KCNQ4: variants seen among roughly 807,000 people sequenced by gnomAD.
The protein encoded by KCNQ4 is potassium voltage-gated channel subfamily KQT member 4.
In KCNQ4, 31 loss-of-function variants were observed where a neutral mutation model predicts 72.6. That is an observed-to-expected ratio of 0.43 (90% CI 0.32 to 0.58). KCNQ4 has a LOEUF of 0.58. Among genes scored for constraint, KCNQ4 ranks in the 20% least tolerant of loss-of-function variants. The pLI is 0.08. For missense variants in KCNQ4, 869 were observed against 962.6 expected (o/e 0.90, Z 1.29); for synonymous variants, 405 against 403.7 (o/e 1.00, Z -0.04).
chr1:40,812,193 C>T (rs556207106), intron 1 of KCNQ4, among the ~76,000 whole-genome samples: 5 of 152,286 alleles, frequency 3.3e-5, no homozygotes, highest in Non-Finnish European at 5.9e-5. Flanking sequence ...CAAGTCTATC[C>T]CTCCCTGAGC....
At chr1:40,806,891 C>T (rs1647780422) in intron 1 of KCNQ4, among the ~76,000 whole-genome samples, 2 of 152,300 alleles carry the variant, frequency 1.3e-5, no homozygotes, top group South Asian at 4.1e-4. Flanking sequence ...ATGGGTGGGC[C>T]CTTCTTGGGT....
chr1:40,796,702 A>ACAG (rs1192662510), intron 1 of KCNQ4, among the ~76,000 whole-genome samples: 3 of 152,158 alleles, frequency 2.0e-5, no homozygotes, highest in African/African-American at 7.2e-5. Flanking sequence ...AGACCACCTG[A>ACAG]GGTCAGGAGT....
In KCNQ4 at chr1:40,838,221, G is replaced by A. The variant is rs1413057421; in HGVS notation, c.1876-90G>A. 5 of 1,126,678 alleles carry A rather than the reference G, an allele frequency of 4.4e-6. No homozygotes were observed. In the Admixed American group the frequency reaches 5.4e-5, roughly 12 times the overall value. The allele number at this position is 1,126,678 out of a possible 1,614,324, so 69.8% of individuals were successfully genotyped here. A position where few individuals can be genotyped will look rare whatever the true frequency, so the allele number is the denominator to read the frequency against. On this transcript the variant is annotated intron_variant, in intron 13 of 13. Coordinates refer to ENST00000347132, the MANE Select transcript of KCNQ4 (RefSeq NM_004700.4). ...CCAGATAAGCCCCGCCCACTCCACCGGCTAGGGTCCGCCCCGAGACCCAAG... is the reference window on the plus strand; with the variant it reads ...CCAGATAAGCCCCGCCCACTCCACCAGCTAGGGTCCGCCCCGAGACCCAAG...
intron 1 of KCNQ4, among the ~76,000 whole-genome samples, chr1:40,796,655 G>A (rs1395287412): frequency 6.6e-6 from 1 of 152,110 alleles, no homozygotes; most frequent in African/African-American, 2.4e-5. Flanking sequence ...TGTGGCTCAC[G>A]CCTGTAATCC....
Position 40,817,322 on chromosome 1 carries a change from C to T in KCNQ4, c.372C>T (p.His124=). 1 of 1,614,016 alleles carries T rather than the reference C, an allele frequency of 6.2e-7. No individual in the cohort carries two copies. The highest frequency in any genetic ancestry group is 8.5e-7 in the Non-Finnish European group (1 of 1,179,976). ...VLSVLSTIQE[H]QELANECLLI... is the part of the protein sequence containing the mutation. Reference sequence around the variant, plus strand: ...CTGTGCTGTCCACTATCCAGGAGCACCAGGAACTTGCCAACGAGTGTCTCC... The same window carrying T: ...CTGTGCTGTCCACTATCCAGGAGCATCAGGAACTTGCCAACGAGTGTCTCC... Residue 124 remains histidine, a synonymous_variant, in exon 2 of 14, where the codon CAC becomes CAT. Transcript: ENST00000347132. This position sits in a 1 kb window ranked among gnomAD's most constrained non-coding sequence, Gnocchi z 5.5.
chr1:40,806,664 G>A (rs1389093216), intron 1 of KCNQ4, among the ~76,000 whole-genome samples: 1 of 150,170 alleles, frequency 6.7e-6, no homozygotes, highest in Non-Finnish European at 1.5e-5. Flanking sequence ...AGAAAAATTG[G>A]CTTCTGGAGG....
chr1:40,808,594 T>C (rs1021681607), intron 1 of KCNQ4, among the ~76,000 whole-genome samples: 56 of 152,134 alleles, frequency 3.7e-4, no homozygotes, highest in African/African-American at 1.2e-3. Flanking sequence ...CCCCAGTGAG[T>C]AGGGGCTGTC....
chr1:40,830,028 G>C (rs1190564246), intron 9 of KCNQ4, among the ~76,000 whole-genome samples: 1 of 152,176 alleles, frequency 6.6e-6, no homozygotes, highest in Non-Finnish European at 1.5e-5. Context: ...AGTTGGATGC[G>C]GGAAGGGAAG....
In KCNQ4 at chr1:40,824,265, G is replaced by A. The variant is rs771515074; in HGVS notation, c.1292+7G>A. 1 of 1,604,586 alleles carries A rather than the reference G, an allele frequency of 6.2e-7. No individual in the cohort carries two copies. The highest frequency in any genetic ancestry group is 1.3e-5 in the African/African-American group (1 of 74,742). ...CCTTCTGCCCTGGGGAAAGGTAGGG[G>A]CCCCGTGGGGCTGCCACCTCCTCTT... On this transcript the variant is annotated splice_region_variant and intron_variant, in intron 9 of 13. Transcript: ENST00000347132.
In KCNQ4 at chr1:40,818,660, G is replaced by T; in HGVS notation, c.688G>T (p.Val230Leu). 1 of 1,604,754 alleles carries T rather than the reference G, an allele frequency of 6.2e-7. No homozygotes were observed. The change falls in exon 4 of 14, where the codon GTG becomes TTG. Residue 230 changes from valine (V) to leucine (L), a missense_variant. Around this residue, in one of 5 missense-constraint regions of KCNQ4, gnomAD observed 179 missense variants for 243.0 expected, o/e 0.74. Transcript: ENST00000347132. ...RGGTWKLLGS[V>L]VYAHSKELIT... Reference sequence around the variant, plus strand: ...CGGCACCTGGAAGCTGCTGGGCTCAGTGGTCTACGCGCATAGCAAGGTGAG... The same window carrying T: ...CGGCACCTGGAAGCTGCTGGGCTCATTGGTCTACGCGCATAGCAAGGTGAG...
intron 1 of KCNQ4, among the ~76,000 whole-genome samples, chr1:40,816,319 G>A (rs1648085505): frequency 6.6e-6 from 1 of 152,132 alleles, no homozygotes; most frequent in Admixed American, 6.5e-5. Flanking sequence ...CCTCTGCTGT[G>A]TCTGCAGCCT....
intron 1 of KCNQ4, among the ~76,000 whole-genome samples, chr1:40,793,004 C>CTTTTTTTTTTTTT (rs10549805): frequency 2.8e-5 from 3 of 109,074 alleles, no homozygotes; most frequent in South Asian, 3.3e-4. Context: ...TTCTTTCTTT[C>CTTTTTTTTTTTTT]TTTTTTTTTT....
At chr1:40,819,058 T>G in intron 4 of KCNQ4, 1 of 506,224 alleles carries the variant, frequency 2.0e-6, no homozygotes, top group East Asian at 3.8e-5. Context: ...AAAGTGGGAC[T>G]TGGGGGACGG....
chr1:40,819,472 G>T lies in KCNQ4; in HGVS notation c.834G>T (p.Thr278=), dbSNP rs766877660. The T allele has an allele frequency of 8.1e-6, 13 of 1,613,672 alleles. No homozygotes were observed. The highest frequency in any genetic ancestry group is 1.0e-5 in the Non-Finnish European group (12 of 1,179,914). ...ACGCCGACTCGCTCTGGTGGGGGAC[G>T]GTGCGTGAGGGTCTTTGTAGGGCTG... ...SSYADSLWWG[T]ITLTTIGYGD... The change falls in exon 5 of 14, where the codon ACG becomes ACT. Residue 278 remains threonine (T), a splice_region_variant and synonymous_variant. Transcript: ENST00000347132.
At chr1:40,795,778 T>A (rs886427779) in intron 1 of KCNQ4, among the ~76,000 whole-genome samples, 24 of 152,068 alleles carry the variant, frequency 1.6e-4, no homozygotes, top group Middle Eastern at 3.2e-3. Flanking sequence ...AGCTCAGAGA[T>A]GCCCAGGCTG....
At chr1:40,821,830 A>T (rs1648307082) in intron 7 of KCNQ4, among the ~76,000 whole-genome samples, 1 of 152,188 alleles carries the variant, frequency 6.6e-6, no homozygotes, top group Non-Finnish European at 1.5e-5. Context: ...AAGGGGAATA[A>T]CAGGAGTGTT....
At chr1:40,820,322 C>A in intron 7 of KCNQ4, 62 bp downstream of exon 7, 1 of 1,374,316 alleles carries the variant, frequency 7.3e-7, no homozygotes, top group Non-Finnish European at 1.0e-6. Context: ...GGTGTGTCAA[C>A]CCTGTGTGCT....
chr1:40,810,783 T>C (rs865853664), intron 1 of KCNQ4, among the ~76,000 whole-genome samples: 5 of 152,252 alleles, frequency 3.3e-5, no homozygotes, highest in Middle Eastern at 3.4e-3. Flanking sequence ...GTTACCAAGC[T>C]ACAGGGACCT....
intron 1 of KCNQ4, among the ~76,000 whole-genome samples, chr1:40,796,198 G>GC (rs1647403752): frequency 6.6e-6 from 1 of 152,066 alleles, no homozygotes; most frequent in Non-Finnish European, 1.5e-5. Flanking sequence ...CACATCAGGG[G>GC]CACCGGGTTG....
Sources: allele counts gnomAD v4.1 joint callset (sites outside exome capture counted in the v4.1 genomes callset), GRCh38; gene constraint gnomAD v4.1.1; regional missense constraint gnomAD v4.1.1; non-coding constraint Gnocchi (gnomAD v3.1); transcripts MANE v1.5; gene names NCBI Gene and HGNC (gene_info 2026-07-23, HGNC 2026-07-21).